The following NFIB variants were observed in gnomAD, a reference collection of about 807,000 sequenced individuals.
NFIB encodes the protein nuclear factor 1 B-type.
Under a neutral mutation model 61.5 loss-of-function variants are expected in NFIB, and 11 were observed. That is an observed-to-expected ratio of 0.18 (90% CI 0.11 to 0.30). The LOEUF is 0.30. Among genes scored for constraint, NFIB ranks in the 10% least tolerant of loss-of-function variants. The probability of loss-of-function intolerance (pLI) is 1.00; values close to 1 mark genes in which losing one functional copy is unlikely to be tolerated. For missense variants in NFIB, 471 were observed against 608.9 expected, an observed-to-expected ratio of 0.77 and a Z score of 2.38; for synonymous variants, 260 against 216.5, an observed-to-expected ratio of 1.20 and a Z score of -1.76.
At position 14,313,396 on chromosome 9, in the gene NFIB, C is replaced by T. The variant is rs1588283403; in HGVS notation, c.30+86G>A. The T allele has an allele frequency of 6.3e-7, 1 of 1,593,158 alleles. No individual in the cohort carries two copies. The highest frequency in any genetic ancestry group is 2.2e-5 in the East Asian group (1 of 44,576). ...AGGGACGGGGATGTGCGGAGGTTAA[C>T]TCAAGCCGCTAATTGTCCGCAACAA... On this transcript the variant is annotated intron_variant, in intron 1 of 10. Coordinates refer to ENST00000380953, the MANE Select transcript of NFIB (RefSeq NM_001190737.2). This position sits in a 1 kb window ranked among gnomAD's most constrained non-coding sequence, Gnocchi z 4.5.
chr9:14,381,430 A>T (rs924686943), intron 1 of NFIB, among the ~76,000 whole-genome samples: 1 of 152,126 alleles, frequency 6.6e-6, no homozygotes, highest in Admixed American at 6.5e-5. Flanking sequence ...GGCTCAAGTG[A>T]TCTGGTTGTC....
the NFIB span, among the ~76,000 whole-genome samples, chr9:14,434,410 C>T: frequency 6.6e-6 from 1 of 152,182 alleles, no homozygotes; most frequent in East Asian, 1.9e-4. Context: ...CTCTTTTGTG[C>T]ATCTTTTCAC....
At chr9:14,413,265 G>T in the NFIB span, among the ~76,000 whole-genome samples, 549 of 152,252 alleles carry the variant, frequency 3.6e-3, 5 homozygotes, top group African/African-American at 0.011. Flanking sequence ...ACCATTTTGG[G>T]GAACAGTATC....
At chr9:14,311,597 T>C (rs2060282279) in intron 1 of NFIB, among the ~76,000 whole-genome samples, 2 of 152,328 alleles carry the variant, frequency 1.3e-5, no homozygotes, top group Admixed American at 1.3e-4. Context: ...AGCTGAATGA[T>C]TATGCTGTAT....
chr9:14,388,507 G>A (rs1237016785), intron 1 of NFIB, among the ~76,000 whole-genome samples: 1 of 151,610 alleles, frequency 6.6e-6, no homozygotes, highest in Non-Finnish European at 1.5e-5. Flanking sequence ...GAGAAAGTAA[G>A]GAGGGAAGGG....
intron 3 of NFIB, among the ~76,000 whole-genome samples, chr9:14,178,178 T>C (rs143901730): frequency 2.0e-5 from 3 of 152,132 alleles, no homozygotes; most frequent in Non-Finnish European, 4.4e-5. Flanking sequence ...AAAAAATGTT[T>C]GGATAAAATT....
the NFIB span, among the ~76,000 whole-genome samples, chr9:14,518,955 T>C: frequency 6.6e-6 from 1 of 152,128 alleles, no homozygotes; most frequent in African/African-American, 2.4e-5. Flanking sequence ...AAGGGGAAAG[T>C]CCAGGCCCCA....
rs913507892 is a variant in NFIB, at chr9:14,397,530, C to A, written c.108+994G>T. 4.3e-4 allele frequency among the ~76,000 whole-genome samples: 66 copies of A among 151,996 alleles called. 1 individual carries two copies. The highest frequency in any genetic ancestry group is 5.6e-4 in the Non-Finnish European group (38 of 67,988). ...TAAAGAATAAAAGTATCCCTTTATC[C>A]CCCCCAAAAAGATTCAGAAATTATT... On this transcript the variant is annotated intron_variant, in intron 1 of 8. Coordinates refer to the NFIB transcript ENST00000380934.
intron 6 of NFIB, among the ~76,000 whole-genome samples, chr9:14,126,906 C>G (rs1343426057): frequency 6.6e-6 from 1 of 152,168 alleles, no homozygotes; most frequent in African/African-American, 2.4e-5. Flanking sequence ...CTGCACTAGC[C>G]TGGGACACAC....
chr9:14,370,274 A>G (rs1384814640), intron 1 of NFIB, among the ~76,000 whole-genome samples: 2 of 152,152 alleles, frequency 1.3e-5, no homozygotes, highest in African/African-American at 4.8e-5. Context: ...AGCACTTCCA[A>G]TATTTTTATC....
exon 1 of NFIB, chr9:14,398,849 A>G (rs897827771): frequency 2.8e-5 from 13 of 462,036 alleles, no homozygotes; most frequent in African/African-American, 2.2e-4. Flanking sequence ...GGGGTCCTGT[A>G]CACTCGAGGA....
At chr9:14,266,272 G>A (rs1444222005) in intron 2 of NFIB, among the ~76,000 whole-genome samples, 1 of 152,012 alleles carries the variant, frequency 6.6e-6, no homozygotes, top group Non-Finnish European at 1.5e-5. Context: ...ATTGCAGCAG[G>A]GCATGTGATC....
upstream of NFIB, among the ~76,000 whole-genome samples, chr9:14,400,587 A>G (rs964595428): frequency 6.6e-6 from 1 of 152,194 alleles, no homozygotes; most frequent in Non-Finnish European, 1.5e-5. Flanking sequence ...AAGAAAATAA[A>G]CCAACCAAAA....
chr9:14,104,669 C>G (rs1270521105), intron 10 of NFIB, among the ~76,000 whole-genome samples: 2 of 151,744 alleles, frequency 1.3e-5, no homozygotes, highest in African/African-American at 4.8e-5. Context: ...CAGCCTCAAC[C>G]TCCAGAAATC....
chr9:14,386,701 T>C (rs1454965686), intron 1 of NFIB, among the ~76,000 whole-genome samples: 1 of 152,232 alleles, frequency 6.6e-6, no homozygotes, highest in African/African-American at 2.4e-5. Flanking sequence ...ATGATGAATG[T>C]TAGTGCTTCT....
intron 2 of NFIB, among the ~76,000 whole-genome samples, chr9:14,221,292 T>C (rs2051639308): frequency 6.6e-6 from 1 of 152,230 alleles, no homozygotes. Flanking sequence ...GATGCCATAC[T>C]GATTAAGTGG....
At chr9:14,389,440 T>C (rs2061593759) in intron 1 of NFIB, among the ~76,000 whole-genome samples, 1 of 152,158 alleles carries the variant, frequency 6.6e-6, no homozygotes, top group Admixed American at 6.5e-5. Context: ...TGCTTATCTA[T>C]ACTAAGATAT....
intron 3 of NFIB, among the ~76,000 whole-genome samples, chr9:14,159,428 G>A (rs188187614): frequency 4.6e-4 from 70 of 152,190 alleles, no homozygotes; most frequent in Non-Finnish European, 9.3e-4. Flanking sequence ...ATGGAGCCCA[G>A]TGAGACTTTA....
At chr9:14,394,624 G>C (rs1206134341) in intron 1 of NFIB, among the ~76,000 whole-genome samples, 2 of 152,146 alleles carry the variant, frequency 1.3e-5, no homozygotes, top group East Asian at 1.9e-4. Flanking sequence ...TTAACAAGTG[G>C]GGATTATTAC....
Sources: gnomAD v4.1 joint callset for allele counts (sites outside exome capture counted in the v4.1 genomes callset) on GRCh38, gnomAD v4.1.1 for gene constraint, Gnocchi (gnomAD v3.1) non-coding constraint, MANE v1.5 for transcripts, NCBI Gene and HGNC (gene_info 2026-07-23, HGNC 2026-07-21) for gene names.